The following ATP10D variants were observed in gnomAD, a reference collection of about 807,000 sequenced individuals.
The protein encoded by ATP10D is ATPase phospholipid transporting 10D (putative), also known as phospholipid-transporting ATPase VD.
ATP10D carries 89 observed loss-of-function variants against 144.8 expected under a neutral mutation model. The observed-to-expected ratio is 0.61, with a 90% CI of 0.52 to 0.73. The LOEUF is 0.73. Among genes scored for constraint, ATP10D ranks in the 30% least tolerant of loss-of-function variants. The pLI, the probability that ATP10D is intolerant of heterozygous loss-of-function variation, is 0.00. For missense variants in ATP10D, 1,603 were observed against 1,714.8 expected (o/e 0.93, Z 1.15); for synonymous variants, 571 against 615.1 (o/e 0.93, Z 1.06).
rs1721107733 is a variant in ATP10D at position 47,592,853 on chromosome 4, T to A, written c.*1472T>A. On this transcript the variant is annotated 3_prime_UTR_variant, in exon 23 of 23. Transcript: ENST00000273859. The stretch of plus-strand genomic sequence containing the variant: ...CTTTCTGCTTTCTTATGACTGTTTT[T>A]ATAAATAAACTGTTTCATAAATAAT... 1 of 152,592 alleles carries A rather than the reference T, an allele frequency of 6.6e-6. No homozygotes were observed. Among genetic ancestry groups the A allele is most frequent in the African/African-American group, 2.4e-5 (1 of 41,454 alleles). 9.5% of individuals were successfully genotyped at this position (152,592 alleles called of 1,614,324 possible).
chr4:47,546,717 G>T lies in ATP10D; in HGVS notation c.1490G>T (p.Arg497Ile). Reference sequence around the variant, plus strand: ...TCCCTCAGCAATATGGCAAAACCGAGAGCCCCCAGCTGCAGGACAGTTCAT... The same window carrying T: ...TCCCTCAGCAATATGGCAAAACCGATAGCCCCCAGCTGCAGGACAGTTCAT... Reference protein sequence around the residue: ...SGSLSNMAKPRAPSCRTVHNG... With the variant: ...SGSLSNMAKPIAPSCRTVHNG... The change falls in exon 10 of 23, where the codon AGA becomes ATA. Residue 497 changes from arginine to isoleucine, a missense_variant. Arg to Ile is a moderately conservative substitution (Grantham distance 97). Coordinates refer to ENST00000273859, the MANE Select transcript of ATP10D (RefSeq NM_020453.4). The T allele has an allele frequency of 6.2e-7, 1 of 1,614,114 alleles. No individual in the cohort carries two copies. Among genetic ancestry groups the T allele is most frequent in the Non-Finnish European group, 8.5e-7 (1 of 1,179,992 alleles).
chr4:47,555,790 G>A (rs1324225015), intron 11 of ATP10D, among the ~76,000 whole-genome samples: 1 of 148,058 alleles, frequency 6.8e-6, no homozygotes, highest in Non-Finnish European at 1.5e-5. Context: ...GTCTTACCCT[G>A]TCTCCCAGGC....
chr4:47,542,362 G>A (rs1270857032), intron 9 of ATP10D, among the ~76,000 whole-genome samples: 1 of 152,024 alleles, frequency 6.6e-6, no homozygotes, highest in Admixed American at 6.5e-5. Context: ...CTCCCAAAGT[G>A]CTGGGACTAC....
At chr4:47,531,552 A>C (rs73237088) in intron 5 of ATP10D, among the ~76,000 whole-genome samples, 18,611 of 152,190 alleles carry the variant, frequency 0.12, 1,480 homozygotes, top group South Asian at 0.24. Context: ...AGAAACATTT[A>C]TCCTGAAGTT....
intron 1 of ATP10D, among the ~76,000 whole-genome samples, chr4:47,504,664 G>C (rs563405299): frequency 6.6e-6 from 1 of 152,106 alleles, no homozygotes; most frequent in East Asian, 1.9e-4. Flanking sequence ...CCGGGTTCAC[G>C]CCATTCTGCT....
chr4:47,502,970 G>C (rs930574632), intron 1 of ATP10D, among the ~76,000 whole-genome samples: 5 of 152,184 alleles, frequency 3.3e-5, no homozygotes, highest in African/African-American at 1.2e-4. Flanking sequence ...GGGAGGCTGA[G>C]GCAGGCAGAT....
chr4:47,490,930 CT>C (rs550117350), intron 1 of ATP10D: 13,317 of 388,890 alleles, frequency 0.034, 2 homozygotes, highest in South Asian at 0.05. Context: ...GCAAATACAT[CT>C]TTTTTTTTTT....
intron 3 of ATP10D, among the ~76,000 whole-genome samples, chr4:47,520,816 C>G (rs1258634924): frequency 6.6e-6 from 1 of 152,198 alleles, no homozygotes; most frequent in African/African-American, 2.4e-5. Context: ...ATCCGCCCCC[C>G]TCGGCCTCCC....
chr4:47,558,050 C>T lies in ATP10D; in HGVS notation c.2211C>T (p.Ala737=), dbSNP rs1288130425. ...SPDEAALVYA[A]RAYQCTLRSR... is the part of the protein sequence containing the mutation. Reference sequence around the variant, plus strand: ...ACGAAGCGGCCTTAGTGTATGCCGCCAGGGCTTACCAATGCACTTTACGGT... The same window carrying T: ...ACGAAGCGGCCTTAGTGTATGCCGCTAGGGCTTACCAATGCACTTTACGGT... The change falls in exon 12 of 23, where the codon GCC becomes GCT. Residue 737 remains alanine (A), a synonymous_variant. Coordinates refer to ENST00000273859, the MANE Select transcript of ATP10D (RefSeq NM_020453.4). The T allele has an allele frequency of 6.7e-5, 108 of 1,614,218 alleles. No individual in the cohort carries two copies. Among genetic ancestry groups the T allele is most frequent in the Middle Eastern group, 1.6e-4 (1 of 6,062 alleles).
chr4:47,573,097 T>C, intron 18 of ATP10D, 100 bp downstream of exon 18: 1 of 1,402,744 alleles, frequency 7.1e-7, no homozygotes, highest in Non-Finnish European at 9.8e-7. Context: ...CTCACTTTCC[T>C]TATTGATGTA....
intron 5 of ATP10D, among the ~76,000 whole-genome samples, chr4:47,534,833 T>G (rs1416306247): frequency 1.3e-5 from 2 of 152,154 alleles, no homozygotes; most frequent in East Asian, 3.8e-4. Context: ...TTGAAAATAA[T>G]GATAGTTGGA....
intron 18 of ATP10D, 129 bp downstream of exon 18, chr4:47,573,126 G>T: frequency 8.7e-7 from 1 of 1,152,282 alleles, no homozygotes; most frequent in Non-Finnish European, 1.2e-6. Context: ...AGCCAGGACT[G>T]GTCTTGCTGT....
At position 47,572,546 on chromosome 4, in the gene ATP10D, G is replaced by T. The variant is rs963927037; in HGVS notation, c.3240+316G>T. ...GAAGCTACTAAGGATTTGAATGAAGGACCTAAAGATCTTGAGGCAGGAGAC... is the reference window on the plus strand; with the variant it reads ...GAAGCTACTAAGGATTTGAATGAAGTACCTAAAGATCTTGAGGCAGGAGAC... On this transcript the variant is annotated intron_variant, in intron 17 of 22. Transcript: ENST00000273859. Among the ~76,000 whole-genome samples, 3 of 151,960 alleles carry T rather than the reference G, an allele frequency of 2.0e-5. No individual in the cohort carries two copies. The East Asian group carries it at 5.8e-4, about 29-fold the overall frequency.
rs765680826 is a variant in ATP10D, at chr4:47,523,049, G to A, written c.523G>A (p.Val175Ile). The change falls in exon 4 of 23, where the codon GTT (valine) becomes ATT (isoleucine). Residue 175 changes from valine (V) to isoleucine (I), a missense_variant. Coordinates refer to ENST00000273859, the MANE Select transcript of ATP10D (RefSeq NM_020453.4). The stretch of plus-strand genomic sequence containing the variant: ...ATACATTGACCGATGCTGGAAAGAC[G>A]TTACTGTTGGGGACTTTATTCGCCT... ...KKYIDRCWKD[V>I]TVGDFIRLSC... 1.5e-5 allele frequency: 25 copies of A among 1,612,918 alleles called. No individual in the cohort carries two copies. Among genetic ancestry groups the A allele is most frequent in the Middle Eastern group, 1.6e-4 (1 of 6,080 alleles).
At chr4:47,582,098 A>G (rs1344158588) in intron 21 of ATP10D, 34 bp downstream of exon 21, 3 of 1,521,444 alleles carry the variant, frequency 2.0e-6, no homozygotes, top group Non-Finnish European at 1.8e-6. Context: ...AGTAGCCTAA[A>G]ATCTTTTATG....
intron 18 of ATP10D, among the ~76,000 whole-genome samples, chr4:47,573,623 C>T (rs985990551): frequency 7.9e-5 from 12 of 152,170 alleles, no homozygotes; most frequent in Admixed American, 7.9e-4. Context: ...CCTGCTATTT[C>T]AATTTCAGTT....
intron 5 of ATP10D, among the ~76,000 whole-genome samples, chr4:47,527,198 A>G (rs950382713): frequency 6.6e-6 from 1 of 152,112 alleles, no homozygotes; most frequent in African/African-American, 2.4e-5. Flanking sequence ...AGACACATAG[A>G]TGGAGAAAGG....
intron 15 of ATP10D, among the ~76,000 whole-genome samples, chr4:47,568,222 AG>A: frequency 6.6e-6 from 1 of 152,384 alleles, no homozygotes. Flanking sequence ...CCAGAATGCA[AG>A]TGCCATGAGG....
At position 47,542,354 on chromosome 4, in the gene ATP10D, C is replaced by A. The variant is rs533870785; in HGVS notation, c.1397-4270C>A. Among the ~76,000 whole-genome samples, 15 of 152,204 alleles carry A rather than the reference C, an allele frequency of 9.9e-5. No homozygotes were observed. The South Asian group carries it at 3.1e-3, about 32-fold the overall frequency. On this transcript the variant is annotated intron_variant, in intron 9 of 22. Transcript: ENST00000273859. ...TCAAGCTATCTGCCAGCCTCGGCCT[C>A]CCAAAGTGCTGGGACTACAGGTGTA...
Sources: allele counts gnomAD v4.1 joint callset (sites outside exome capture counted in the v4.1 genomes callset), GRCh38; gene constraint gnomAD v4.1.1; transcripts MANE v1.5; gene names NCBI Gene and HGNC (gene_info 2026-07-23, HGNC 2026-07-21).